The following MNAT1 variants were observed in gnomAD, a reference collection of about 807,000 sequenced individuals.
The protein encoded by MNAT1 is CDK-activating kinase assembly factor MAT1.
Under a neutral mutation model 42.0 loss-of-function variants are expected in MNAT1, and 43 were observed. The ratio of observed to expected loss-of-function variants is 1.02; its 90% CI spans 0.80 to 1.32. The LOEUF is 1.32. Among genes scored for constraint, MNAT1 ranks in the 40% most tolerant of loss-of-function variants. MNAT1 has a pLI of 0.00. For synonymous variants in MNAT1, 118 were observed against 120.0 expected (o/e 0.98, Z 0.11); for missense variants, 306 against 350.4 (o/e 0.87, Z 1.01).
At chr14:60,950,212 T>C (rs1038576163) in intron 7 of MNAT1, among the ~76,000 whole-genome samples, 1 of 152,144 alleles carries the variant, frequency 6.6e-6, no homozygotes, top group Non-Finnish European at 1.5e-5. Flanking sequence ...GTGTGTCTAG[T>C]CCTGTTTGAA....
chr14:60,888,216 C>T (rs75323085), intron 7 of MNAT1, among the ~76,000 whole-genome samples: 132,760 of 140,782 alleles, frequency 0.94, 62,953 homozygotes, highest in Non-Finnish European at 0.99. Context: ...ATTGGCAAAC[C>T]GAATCCAGCA....
intron 1 of MNAT1, among the ~76,000 whole-genome samples, chr14:60,752,804 G>A (rs1363391928): frequency 1.3e-5 from 2 of 152,180 alleles, no homozygotes; most frequent in Non-Finnish European, 2.9e-5. Context: ...TCACTCTGTT[G>A]CCCAGGCTAG....
chr14:60,844,106 A>G (rs2033620337), intron 6 of MNAT1, among the ~76,000 whole-genome samples: 2 of 146,374 alleles, frequency 1.4e-5, no homozygotes, highest in African/African-American at 5.0e-5. Context: ...GTTTAGGTCT[A>G]TTTCTGTTTT....
At chr14:60,764,455 C>T (rs1345012906) in intron 1 of MNAT1, among the ~76,000 whole-genome samples, 1 of 117,822 alleles carries the variant, frequency 8.5e-6, no homozygotes, top group Non-Finnish European at 1.7e-5. Flanking sequence ...TCACAAACAG[C>T]CAGAAGTTAA....
intron 6 of MNAT1, among the ~76,000 whole-genome samples, chr14:60,849,032 G>A (rs752217025): frequency 6.6e-5 from 10 of 152,120 alleles, no homozygotes; most frequent in Admixed American, 1.3e-4. Flanking sequence ...CAATAGCCAG[G>A]CAACTGAAAG....
rs552861915 is a variant in MNAT1, at chr14:60,937,915, G to A, written c.810-30314G>A. 9.9e-3 allele frequency among the ~76,000 whole-genome samples: 1,514 copies of A among 152,188 alleles called. 27 individuals are homozygous for A. The highest frequency in any genetic ancestry group is 0.059 in the South Asian group (282 of 4,806). ...TCCTCTTTTATTTCATTGAGCAGTG[G>A]TTTGTAGTTCTCCTTGAAGAGGTCC... is the stretch of plus-strand genomic sequence containing the variant. On this transcript the variant is annotated intron_variant, in intron 7 of 7. Transcript: ENST00000261245.
intron 7 of MNAT1, among the ~76,000 whole-genome samples, chr14:60,918,398 CG>C (rs2035578792): frequency 6.6e-6 from 1 of 150,414 alleles, no homozygotes; most frequent in African/African-American, 2.4e-5. Flanking sequence ...TTAGTAGAGA[CG>C]GGGTTTCACC....
chr14:60,943,065 T>TTTA (rs2036208501), intron 7 of MNAT1, among the ~76,000 whole-genome samples: 3 of 141,908 alleles, frequency 2.1e-5, no homozygotes, highest in African/African-American at 7.8e-5. Context: ...TTTTTTTTTT[T>TTTA]TTTTTTGAGA....
At chr14:60,886,722 T>C (rs997771481) in intron 7 of MNAT1, among the ~76,000 whole-genome samples, 1 of 152,118 alleles carries the variant, frequency 6.6e-6, no homozygotes, top group Non-Finnish European at 1.5e-5. Context: ...ATGTCTGTTT[T>C]CTATCTTGCT....
intron 6 of MNAT1, among the ~76,000 whole-genome samples, chr14:60,833,260 T>G (rs1331365680): frequency 6.6e-6 from 1 of 152,196 alleles, no homozygotes. Context: ...TATGCCAGTT[T>G]TCAAAGGGAA....
At chr14:60,870,592 C>T (rs1594818585) in intron 6 of MNAT1, among the ~76,000 whole-genome samples, 1 of 152,062 alleles carries the variant, frequency 6.6e-6, no homozygotes, top group Non-Finnish European at 1.5e-5. Flanking sequence ...CCTTGCCTGT[C>T]ATTTTGATGC....
intron 7 of MNAT1, among the ~76,000 whole-genome samples, chr14:60,907,707 A>C (rs1169768585): frequency 7.0e-6 from 1 of 142,254 alleles, no homozygotes; most frequent in Non-Finnish European, 1.5e-5. Flanking sequence ...GCTTGAACCC[A>C]GGAGGCAGAG....
chr14:60,920,708 G>T (rs545679570), intron 7 of MNAT1, among the ~76,000 whole-genome samples: 1 of 152,132 alleles, frequency 6.6e-6, no homozygotes, highest in Non-Finnish European at 1.5e-5. Flanking sequence ...CTCCCAAAGT[G>T]CTGGAATTAC....
intron 7 of MNAT1, among the ~76,000 whole-genome samples, chr14:60,913,488 C>T (rs115236244): frequency 0.013 from 1,961 of 152,224 alleles, 45 homozygotes; most frequent in African/African-American, 0.045. Flanking sequence ...ATGATGGTGG[C>T]GTCCAGATGG....
chr14:60,860,223 T>C (rs1200483151), intron 6 of MNAT1, among the ~76,000 whole-genome samples: 1 of 152,192 alleles, frequency 6.6e-6, no homozygotes, highest in East Asian at 1.9e-4. Flanking sequence ...CTCTTCCTGC[T>C]TCTCTTCCTG....
rs532901192 is a variant in MNAT1 at position 60,962,763 on chromosome 14, T to C, written c.810-5466T>C. 3.3e-5 allele frequency among the ~76,000 whole-genome samples: 5 copies of C among 152,332 alleles called. No homozygotes were observed. The South Asian group carries it at 1.0e-3, about 32-fold the overall frequency. On this transcript the variant is annotated intron_variant, in intron 7 of 7. Coordinates refer to ENST00000261245, the MANE Select transcript of MNAT1 (RefSeq NM_002431.4). ...TTTGGAAACCATGTGTCTTTTAATT[T>C]CCAAATATGAGTTTTGGTGTTTGAT...
At chr14:60,903,890 T>C (rs1337561885) in intron 7 of MNAT1, among the ~76,000 whole-genome samples, 1 of 151,138 alleles carries the variant, frequency 6.6e-6, no homozygotes, top group Non-Finnish European at 1.5e-5. Context: ...TTTTTTTCTT[T>C]TTGATGGAGT....
chr14:60,908,721 A>G (rs1378111959), intron 7 of MNAT1, among the ~76,000 whole-genome samples: 1 of 149,844 alleles, frequency 6.7e-6, no homozygotes, highest in East Asian at 1.9e-4. Flanking sequence ...CCAGTCTATC[A>G]TTGTTGGACA....
intron 6 of MNAT1, among the ~76,000 whole-genome samples, chr14:60,866,256 T>C (rs1246559483): frequency 6.6e-6 from 1 of 151,538 alleles, no homozygotes; most frequent in Non-Finnish European, 1.5e-5. Flanking sequence ...CAGAACAATG[T>C]ACAGTATACT....
Sources: allele counts gnomAD v4.1 joint callset (sites outside exome capture counted in the v4.1 genomes callset), GRCh38; gene constraint gnomAD v4.1.1; transcripts MANE v1.5; gene names NCBI Gene and HGNC (gene_info 2026-07-23, HGNC 2026-07-21).